Variants in APLP2 observed in about 807,000 individuals in gnomAD.
The protein encoded by APLP2 is amyloid beta precursor like protein 2, also known as CDEI box-binding protein.
In APLP2, 53 loss-of-function variants were observed where a neutral mutation model predicts 89.9. The ratio of observed to expected loss-of-function variants is 0.59; its 90% CI spans 0.47 to 0.74. APLP2 has a LOEUF of 0.74. Among genes scored for constraint, APLP2 ranks in the 30% least tolerant of loss-of-function variants. APLP2 has a pLI of 0.00. For synonymous variants in APLP2, 372 were observed against 348.6 expected (o/e 1.07, Z -0.75); for missense variants, 973 against 975.9 (o/e 1.00, Z 0.04).
At chr11:130,095,508 C>T (rs1402943603) in intron 1 of APLP2, among the ~76,000 whole-genome samples, 2 of 152,202 alleles carry the variant, frequency 1.3e-5, no homozygotes, top group Admixed American at 1.3e-4. Context: ...AGAAATAAAA[C>T]ATGTTGTGTA....
At chr11:130,084,447 C>T (rs1480828654) in intron 1 of APLP2, among the ~76,000 whole-genome samples, 1 of 152,108 alleles carries the variant, frequency 6.6e-6, no homozygotes, top group Non-Finnish European at 1.5e-5. Flanking sequence ...TTGTTGACAT[C>T]CTTTGCGTCT....
At chr11:130,103,243 T>TG (rs1177799127) in intron 1 of APLP2, among the ~76,000 whole-genome samples, 1 of 152,232 alleles carries the variant, frequency 6.6e-6, no homozygotes, top group Non-Finnish European at 1.5e-5. Flanking sequence ...GGTTGGGGTA[T>TG]GTTTGATTAG....
chr11:130,080,046 G>C (rs962828289), intron 1 of APLP2, among the ~76,000 whole-genome samples: 2 of 152,088 alleles, frequency 1.3e-5, no homozygotes, highest in African/African-American at 4.8e-5. Context: ...ACCAAACTTG[G>C]TTTATTTTCT....
intron 11 of APLP2, among the ~76,000 whole-genome samples, chr11:130,131,257 C>G (rs1220000590): frequency 6.6e-6 from 1 of 152,142 alleles, no homozygotes; most frequent in African/African-American, 2.4e-5. Flanking sequence ...CACCACAGTA[C>G]CTGGTTAAGT....
rs951623125 is a variant in APLP2 at position 130,133,877 on chromosome 11, T to C, written c.1684+149T>C. 3 of 630,626 alleles carry C rather than the reference T, an allele frequency of 4.8e-6. No homozygotes were observed. In the Admixed American group the frequency reaches 8.2e-5, roughly 17 times the overall value. The allele number at this position is 630,626 out of a possible 1,614,324, so 39.1% of individuals were successfully genotyped here. The stretch of plus-strand genomic sequence containing the variant: ...CTGGCTTCAGAAGCCTGGAGTCCAC[T>C]GGAGCTTTCATGGCAAGGTGAAGGA... On this transcript the variant is annotated intron_variant, in intron 12 of 16. Coordinates refer to ENST00000338167, the MANE Select transcript of APLP2 (RefSeq NM_001142276.2).
At chr11:130,134,384 C>T (rs569041153) in intron 12 of APLP2, among the ~76,000 whole-genome samples, 12 of 152,196 alleles carry the variant, frequency 7.9e-5, no homozygotes, top group Non-Finnish European at 1.5e-4. Context: ...GCAGAGGGAG[C>T]GGCAGCTACA....
rs1405745353 is a variant in APLP2, at chr11:130,142,130, G to A, written c.2154+56G>A. ...TGCACTGTGGGCTGGGTTGGGGGTG[G>A]GAACCTGTGGAATTAATAGGCATCT... is the stretch of plus-strand genomic sequence containing the variant. On this transcript the variant is annotated intron_variant, in intron 16 of 16. Transcript: ENST00000338167. 11 of 1,517,024 alleles carry A rather than the reference G, an allele frequency of 7.3e-6. No individual in the cohort carries two copies. The Admixed American group carries it at 2.2e-4, about 30-fold the overall frequency. The allele number at this position is 1,517,024 out of a possible 1,614,324, so 94.0% of individuals were successfully genotyped here.
intron 11 of APLP2, among the ~76,000 whole-genome samples, chr11:130,132,552 C>T (rs1226651197): frequency 6.6e-6 from 1 of 151,614 alleles, no homozygotes; most frequent in Non-Finnish European, 1.5e-5. Flanking sequence ...TAGCCCGTCA[C>T]CTTTCACTTC....
chr11:130,121,982 C>G (rs550926364), intron 5 of APLP2, among the ~76,000 whole-genome samples, 172 bp downstream of exon 5: 1 of 152,190 alleles, frequency 6.6e-6, no homozygotes, highest in East Asian at 1.9e-4. Flanking sequence ...ACAGGAGTAC[C>G]TGTGATTTTT....
At chr11:130,127,634 C>T in intron 8 of APLP2, 132 bp from the exon 9 acceptor site, 1 of 748,152 alleles carries the variant, frequency 1.3e-6, no homozygotes, top group South Asian at 1.7e-5. Context: ...TGCTAAGCTC[C>T]TAAGAGATTG....
chr11:130,095,844 T>C (rs1288562121), intron 1 of APLP2, among the ~76,000 whole-genome samples: 2 of 152,230 alleles, frequency 1.3e-5, no homozygotes, highest in African/African-American at 4.8e-5. Flanking sequence ...ACCAAGAGCA[T>C]AGACTTTAGA....
At chr11:130,118,308 G>A (rs773968668) in intron 3 of APLP2, among the ~76,000 whole-genome samples, 11 of 152,132 alleles carry the variant, frequency 7.2e-5, no homozygotes, top group Non-Finnish European at 1.2e-4. Flanking sequence ...GTGCCTACCA[G>A]GTGTCAGTTT....
intron 3 of APLP2, among the ~76,000 whole-genome samples, chr11:130,113,918 A>AT (rs1162720532): frequency 6.6e-6 from 1 of 152,166 alleles, no homozygotes; most frequent in Admixed American, 6.5e-5. Context: ...GTGGTAAAAA[A>AT]TCTTATTCTC....
intron 1 of APLP2, among the ~76,000 whole-genome samples, chr11:130,094,554 T>G (rs1945934633): frequency 6.6e-6 from 1 of 152,206 alleles, no homozygotes; most frequent in Admixed American, 6.5e-5. Context: ...TGGCTTTAGA[T>G]TTATCAATAG....
At position 130,121,801 on chromosome 11, in the gene APLP2, T is replaced by C; in HGVS notation, c.704T>C (p.Val235Ala). 1.2e-6 allele frequency: 2 copies of C among 1,610,906 alleles called. No individual in the cohort carries two copies. Among genetic ancestry groups the C allele is most frequent in the Non-Finnish European group, 1.7e-6 (2 of 1,179,858 alleles). The change falls in exon 5 of 17, where the codon GTT becomes GCT. Residue 235 changes from valine to alanine, a missense_variant. Val to Ala is a moderately conservative substitution (Grantham distance 64, BLOSUM62 0). Transcript: ENST00000338167. ...GAAGATGAAGAGGAAGACTATGATGTTTATAAAAGGTAACTCTTCTACTTT... is the reference window on the plus strand; with the variant it reads ...GAAGATGAAGAGGAAGACTATGATGCTTATAAAAGGTAACTCTTCTACTTT... ...EEEDEEEDYDVYKSEFPTEAD... is the reference protein window; with the variant it reads ...EEEDEEEDYDAYKSEFPTEAD...
At chr11:130,129,310 C>A in intron 10 of APLP2, 104 bp downstream of exon 10, 4 of 1,344,370 alleles carry the variant, frequency 3.0e-6, no homozygotes, top group South Asian at 1.5e-5. Flanking sequence ...CAAGTTCTGG[C>A]AAAGCTGAAG....
Position 130,144,572 on chromosome 11 carries a change from A to G in APLP2, c.*1124A>G, listed in dbSNP as rs891333803. 1.3e-5 allele frequency: 2 copies of G among 152,512 alleles called. No individual in the cohort carries two copies. The highest frequency in any genetic ancestry group is 4.8e-5 in the African/African-American group (2 of 41,412). 9.4% of individuals were successfully genotyped at this position (152,512 alleles called of 1,614,324 possible). On this transcript the variant is annotated 3_prime_UTR_variant, in exon 17 of 17. Transcript: ENST00000338167. ...GCTTGTACAGTTGATGTCGATGCTC[A>G]CTGCTTCTGCTTTTTCTTTCTTTTT... is the stretch of plus-strand genomic sequence containing the variant.
rs1945786425 is a variant in APLP2 at position 130,093,798 on chromosome 11, G to C, written c.106-15631G>C. 4.6e-5 allele frequency among the ~76,000 whole-genome samples: 7 copies of C among 151,934 alleles called. 1 individual carries two copies. In the South Asian group the frequency reaches 1.5e-3, roughly 32 times the overall value. Reference sequence around the variant, plus strand: ...TCACTTTGTTGCTCAGGCTGGAGTGGAGTGGCATGATCTCACGTCACCGCA... The same window carrying C: ...TCACTTTGTTGCTCAGGCTGGAGTGCAGTGGCATGATCTCACGTCACCGCA... On this transcript the variant is annotated intron_variant, in intron 1 of 16. Coordinates refer to ENST00000338167, the MANE Select transcript of APLP2 (RefSeq NM_001142276.2).
At chr11:130,129,644 C>G (rs1232679380) in intron 10 of APLP2, among the ~76,000 whole-genome samples, 1 of 152,120 alleles carries the variant, frequency 6.6e-6, no homozygotes, top group African/African-American at 2.4e-5. Flanking sequence ...ACCTGCCTTG[C>G]TTTGGGGGAT....
Sources: allele counts gnomAD v4.1 joint callset (sites outside exome capture counted in the v4.1 genomes callset), GRCh38; gene constraint gnomAD v4.1.1; transcripts MANE v1.5; gene names NCBI Gene and HGNC (gene_info 2026-07-23, HGNC 2026-07-21).